The following NBR1 variants were observed in gnomAD, a reference collection of about 807,000 sequenced individuals.
The protein encoded by NBR1 is NBR1 autophagy cargo receptor.
In NBR1, 59 loss-of-function variants were observed where a neutral mutation model predicts 115.5. The ratio of observed to expected loss-of-function variants is 0.51; its 90% CI spans 0.41 to 0.63. NBR1 has a LOEUF of 0.63. Ranked by LOEUF, NBR1 falls within the 30% of genes least tolerant of loss-of-function variation. The pLI, the probability that NBR1 is intolerant of heterozygous loss-of-function variation, is 0.00. For missense variants in NBR1, 1,043 were observed against 1,150.5 expected, an observed-to-expected ratio of 0.91 and a Z score of 1.35; for synonymous variants, 373 against 414.7, an observed-to-expected ratio of 0.90 and a Z score of 1.22.
chr17:43,195,106 A>G (rs2057037181), intron 14 of NBR1, 67 bp downstream of exon 14: 3 of 1,228,614 alleles, frequency 2.4e-6, no homozygotes, highest in East Asian at 2.3e-5. Context: ...CAGCCTAGAC[A>G]CTGGTAGTGT....
At chr17:43,177,864 T>A (rs2056560410) in intron 2 of NBR1, 72 bp from the exon 3 acceptor site, 2 of 1,260,924 alleles carry the variant, frequency 1.6e-6, no homozygotes, top group African/African-American at 1.5e-5. Context: ...TGTCTTTTGA[T>A]TTTGTGGGTT....
Position 43,199,355 on chromosome 17 carries a change from G to A in NBR1, c.2027-812G>A, listed in dbSNP as rs543539111. Among the ~76,000 whole-genome samples the A allele has an allele frequency of 5.9e-5, 9 of 151,492 alleles. No homozygotes were observed. The South Asian group carries it at 8.4e-4, about 14-fold the overall frequency. ...CTCCCAACGTGCTGGGATTTTAGGC[G>A]TAAGCCACCACACCTGGCCTGGGTA... On this transcript the variant is annotated intron_variant, in intron 16 of 20. Coordinates refer to ENST00000590996, the MANE Select transcript of NBR1 (RefSeq NM_005899.5).
Position 43,210,818 on chromosome 17 carries a change from T to G in NBR1, c.*744T>G. 3 of 398,290 alleles carry G rather than the reference T, an allele frequency of 7.5e-6. No homozygotes were observed. Among genetic ancestry groups the G allele is most frequent in the Non-Finnish European group, 1.3e-5 (3 of 225,950 alleles). 24.7% of individuals were successfully genotyped at this position (398,290 alleles called of 1,614,324 possible). On this transcript the variant is annotated 3_prime_UTR_variant, in exon 21 of 21. Coordinates refer to ENST00000590996, the MANE Select transcript of NBR1 (RefSeq NM_005899.5). ...TTTAAGGGAAAAAATATAGGTATTG[T>G]GAAATATTTTGCTAATCTTATAGAA...
chr17:43,183,080 A>G (rs762595434), intron 5 of NBR1, among the ~76,000 whole-genome samples: 1 of 148,078 alleles, frequency 6.8e-6, no homozygotes, highest in African/African-American at 2.5e-5. Context: ...TTTTTTTGAG[A>G]CAGGGTTTTA....
chr17:43,173,267 G>T (rs1567841743), intron 1 of NBR1, among the ~76,000 whole-genome samples: 1 of 152,050 alleles, frequency 6.6e-6, no homozygotes, highest in Admixed American at 6.5e-5. Flanking sequence ...ACCAGCATCA[G>T]CCACCACACC....
upstream of NBR1, chr17:43,170,662 C>T (rs575790024): frequency 6.6e-6 from 1 of 152,466 alleles, no homozygotes; most frequent in East Asian, 1.9e-4. Flanking sequence ...CTATTTCCAA[C>T]ATGCATTGCG....
intron 2 of NBR1, among the ~76,000 whole-genome samples, chr17:43,176,972 T>C (rs530538902): frequency 2.0e-5 from 3 of 152,080 alleles, no homozygotes; most frequent in South Asian, 2.1e-4. Flanking sequence ...ACTAGGATCA[T>C]ACTATAAACA....
At position 43,186,422 on chromosome 17, in the gene NBR1, C is replaced by T. The variant is rs184295724; in HGVS notation, c.380C>T (p.Thr127Ile). 2.5e-6 allele frequency: 4 copies of T among 1,591,538 alleles called. No homozygotes were observed. The South Asian group carries it at 4.6e-5, about 18-fold the overall frequency. The part of the protein sequence containing the change: ...LVRVLGSDMK[T>I]PEDPAVQSFP... Reference sequence around the variant, plus strand: ...AGAGTCTTGGGATCAGACATGAAGACCCCAGAGGATCCTGCAGTGCAGGTA... The same window carrying T: ...AGAGTCTTGGGATCAGACATGAAGATCCCAGAGGATCCTGCAGTGCAGGTA... The change falls in exon 6 of 21, where the codon ACC (threonine) becomes ATC (isoleucine). Residue 127 changes from threonine to isoleucine, a missense_variant. Physicochemically the swap from Thr to Ile is moderately conservative, Grantham distance 89. Transcript: ENST00000590996.
Position 43,191,401 on chromosome 17 carries a change from T to G in NBR1, c.893T>G (p.Leu298Arg). 6.2e-7 allele frequency: 1 copy of G among 1,613,390 alleles called. No homozygotes were observed. Among genetic ancestry groups the G allele is most frequent in the Non-Finnish European group, 8.5e-7 (1 of 1,179,580 alleles). Residue 298 changes from leucine (L) to arginine (R), a missense_variant, in exon 10 of 21, where the codon CTT becomes CGT. By Grantham distance (102) the Leu-to-Arg change is moderately radical. Transcript: ENST00000590996. ...CAGAAACAGGTTGATAAGAACTTTC[T>G]TAAAGCAGAAAAGCAAAGGTTGCGA... ...RLQKQVDKNF[L>R]KAEKQRLRAE...
chr17:43,173,319 C>T (rs758089295), intron 1 of NBR1, among the ~76,000 whole-genome samples: 8 of 151,850 alleles, frequency 5.3e-5, no homozygotes, highest in Middle Eastern at 3.4e-3. Flanking sequence ...GACAGAGTCT[C>T]GCTCTATCAC....
At chr17:43,188,477 G>A (rs897855672) in intron 6 of NBR1, among the ~76,000 whole-genome samples, 6 of 152,142 alleles carry the variant, frequency 3.9e-5, no homozygotes, top group Non-Finnish European at 8.8e-5. Context: ...AGATCCCATT[G>A]TCAATTTTGG....
intron 12 of NBR1, 63 bp from the exon 13 acceptor site, chr17:43,194,287 G>T: frequency 6.9e-7 from 1 of 1,448,090 alleles, no homozygotes. Context: ...TGGGGGCATT[G>T]TCAGCCTGCC....
chr17:43,203,927 C>G (rs2057258917), intron 20 of NBR1, 141 bp downstream of exon 20: 1 of 402,338 alleles, frequency 2.5e-6, no homozygotes, highest in East Asian at 3.9e-5. Context: ...ACACACAACA[C>G]AACTCTGCCA....
intron 6 of NBR1, among the ~76,000 whole-genome samples, chr17:43,186,921 G>A (rs2056817312): frequency 6.6e-6 from 1 of 152,122 alleles, no homozygotes; most frequent in Non-Finnish European, 1.5e-5. Context: ...GTCTATCATT[G>A]ATAGGCATTT....
In NBR1 at chr17:43,190,603, C is replaced by G. The variant is rs2056920392; in HGVS notation, c.696-6C>G. The G allele has an allele frequency of 6.4e-7, 1 of 1,567,944 alleles. No homozygotes were observed. Among genetic ancestry groups the G allele is most frequent in the Admixed American group, 1.9e-5 (1 of 51,902 alleles). On this transcript the variant is annotated splice_region_variant and splice_polypyrimidine_tract_variant and intron_variant, in intron 8 of 20. Coordinates refer to ENST00000590996, the MANE Select transcript of NBR1 (RefSeq NM_005899.5). The stretch of plus-strand genomic sequence containing the variant: ...CATTGTGTATTGTGCCATTCTTTCC[C>G]CACAGCCTATGCCCATCCTACAATA...
At chr17:43,201,389 G>T (rs2057194326) in intron 17 of NBR1, among the ~76,000 whole-genome samples, 1 of 152,180 alleles carries the variant, frequency 6.6e-6, no homozygotes. Context: ...CTGGAGCCTT[G>T]ACTATAATGT....
intron 9 of NBR1, 43 bp downstream of exon 9, chr17:43,190,819 C>A: frequency 1.3e-6 from 2 of 1,534,462 alleles, no homozygotes; most frequent in South Asian, 2.6e-5. Flanking sequence ...TGATTGACTT[C>A]TTGGTTCTGG....
chr17:43,194,295 G>C (rs1235001274), intron 12 of NBR1, 55 bp from the exon 13 acceptor site: 1 of 1,483,458 alleles, frequency 6.7e-7, no homozygotes, highest in Non-Finnish European at 9.1e-7. Context: ...TTGTCAGCCT[G>C]CCTCTTCAGT....
chr17:43,189,845 C>T, intron 8 of NBR1, 43 bp downstream of exon 8: 1 of 1,512,178 alleles, frequency 6.6e-7, no homozygotes, highest in East Asian at 2.3e-5. Flanking sequence ...ATAGACCTTA[C>T]AGCTTTTACC....
Sources: allele counts gnomAD v4.1 joint callset (sites outside exome capture counted in the v4.1 genomes callset), GRCh38; gene constraint gnomAD v4.1.1; transcripts MANE v1.5; gene names NCBI Gene and HGNC (gene_info 2026-07-23, HGNC 2026-07-21).